Variants in CFAP299 observed in about 807,000 individuals in gnomAD.
CFAP299 encodes the protein cilia- and flagella-associated protein 299.
A neutral mutation model predicts 27.0 loss-of-function variants in CFAP299; 21 were observed. The observed-to-expected ratio is 0.78, with a 90% CI of 0.55 to 1.12. The LOEUF (loss-of-function observed/expected upper bound fraction) is 1.12, where lower values mean the gene tolerates loss of function less well. Among genes scored for constraint, CFAP299 ranks in the 50% most tolerant of loss-of-function variants. The pLI is 0.00. For missense variants in CFAP299, 310 were observed against 276.6 expected (o/e 1.12, Z -0.86); for synonymous variants, 104 against 98.1 (o/e 1.06, Z -0.36).
intron 2 of CFAP299, among the ~76,000 whole-genome samples, chr4:80,491,915 A>G (rs907803487): frequency 2.6e-5 from 4 of 152,238 alleles, no homozygotes; most frequent in Non-Finnish European, 2.9e-5. Flanking sequence ...AGACCCTTCC[A>G]ATCCTAAAGA....
At chr4:80,874,796 T>C (rs1203958142) in intron 4 of CFAP299, among the ~76,000 whole-genome samples, 1 of 152,158 alleles carries the variant, frequency 6.6e-6, no homozygotes, top group African/African-American at 2.4e-5. Context: ...CCTAGACTGG[T>C]GCTCTCTAGT....
intron 3 of CFAP299, among the ~76,000 whole-genome samples, chr4:80,651,704 TTGTGTGTG>T (rs34460418): frequency 1.0e-4 from 14 of 139,648 alleles, no homozygotes; most frequent in African/African-American, 2.4e-4. Flanking sequence ...AGGTATGCAC[TTGTGTGTG>T]TGTGTGTGTG....
chr4:80,351,456 T>A (rs1432614737), intron 1 of CFAP299, among the ~76,000 whole-genome samples: 2 of 151,916 alleles, frequency 1.3e-5, no homozygotes. Context: ...AATCACAGAG[T>A]ACCTGCTGAA....
chr4:80,473,507 T>C (rs1730113708), intron 2 of CFAP299, among the ~76,000 whole-genome samples: 1 of 152,048 alleles, frequency 6.6e-6, no homozygotes, highest in Non-Finnish European at 1.5e-5. Flanking sequence ...ATGAAGTATG[T>C]CTTTTATTTA....
chr4:80,788,288 C>A (rs562467709), intron 3 of CFAP299, among the ~76,000 whole-genome samples: 2 of 151,916 alleles, frequency 1.3e-5, no homozygotes, highest in Non-Finnish European at 2.9e-5. Flanking sequence ...TCTGCGTAAG[C>A]CATCAATGCT....
chr4:80,570,449 A>G (rs1578613946), intron 2 of CFAP299, among the ~76,000 whole-genome samples: 1 of 152,116 alleles, frequency 6.6e-6, no homozygotes, highest in East Asian at 1.9e-4. Context: ...ACAATAATAA[A>G]GTGGACAAAA....
At chr4:80,414,985 T>TA (rs1560556700) in intron 2 of CFAP299, among the ~76,000 whole-genome samples, 1 of 152,200 alleles carries the variant, frequency 6.6e-6, no homozygotes, top group East Asian at 1.9e-4. Context: ...GCTTGAAACA[T>TA]AGAGGCGCTG....
At chr4:80,816,444 A>G (rs1459800175) in intron 3 of CFAP299, among the ~76,000 whole-genome samples, 1 of 152,156 alleles carries the variant, frequency 6.6e-6, no homozygotes, top group Non-Finnish European at 1.5e-5. Flanking sequence ...TTTTCTCCTG[A>G]TGTCAAACAA....
chr4:80,571,044 T>C (rs183476587), intron 2 of CFAP299, among the ~76,000 whole-genome samples: 8 of 152,008 alleles, frequency 5.3e-5, no homozygotes, highest in Non-Finnish European at 1.0e-4. Context: ...ACTTAAGTGA[T>C]GTAAAGAGGT....
At chr4:80,470,239 A>T (rs960434869) in intron 2 of CFAP299, among the ~76,000 whole-genome samples, 3 of 152,180 alleles carry the variant, frequency 2.0e-5, no homozygotes, top group African/African-American at 7.2e-5. Flanking sequence ...ATGTATGTAA[A>T]AATGCTTGGT....
At chr4:80,645,528 T>A (rs1739963687) in intron 3 of CFAP299, among the ~76,000 whole-genome samples, 1 of 152,090 alleles carries the variant, frequency 6.6e-6, no homozygotes, top group South Asian at 2.1e-4. Context: ...TGTCAAGTTA[T>A]CCACACACAC....
intron 5 of CFAP299, among the ~76,000 whole-genome samples, chr4:80,952,792 C>A (rs776444938): frequency 6.6e-6 from 1 of 152,042 alleles, no homozygotes; most frequent in Non-Finnish European, 1.5e-5. Context: ...GCAACCCCCA[C>A]GCAAGCACTT....
rs1725133832 is a variant in CFAP299 at position 80,388,325 on chromosome 4, C to T, written c.242+25441C>T. On this transcript the variant is annotated intron_variant, in intron 2 of 5. Coordinates refer to ENST00000358105, the MANE Select transcript of CFAP299 (RefSeq NM_152770.3). ...CAAGTCATTGCTTACCAAGATGTTC[C>T]CCTGGATCAGTGGGGACAGGGGCAC... 4 of 685,464 alleles carry T rather than the reference C, an allele frequency of 5.8e-6. No individual in the cohort carries two copies. The South Asian group carries it at 6.5e-5, about 11-fold the overall frequency. The allele number at this position is 685,464 out of a possible 1,614,324, so 42.5% of individuals were successfully genotyped here. A position where few individuals can be genotyped will look rare whatever the true frequency, so the allele number is the denominator to read the frequency against.
intron 3 of CFAP299, among the ~76,000 whole-genome samples, chr4:80,808,513 T>G (rs1202041560): frequency 6.6e-6 from 1 of 152,130 alleles, no homozygotes; most frequent in Non-Finnish European, 1.5e-5. Context: ...TAAAATACAT[T>G]CTTAATTCTG....
chr4:80,615,084 T>A (rs1025284426), intron 3 of CFAP299, among the ~76,000 whole-genome samples: 1 of 152,220 alleles, frequency 6.6e-6, no homozygotes, highest in African/African-American at 2.4e-5. Context: ...GTATTTTATT[T>A]GAAAATTTCT....
rs1577999454 is a variant in CFAP299, at chr4:80,671,125, C to A, written c.333+87942C>A. On this transcript the variant is annotated intron_variant, in intron 3 of 5. Coordinates refer to ENST00000358105, the MANE Select transcript of CFAP299 (RefSeq NM_152770.3). ...TTCTAGGGTTTTTATGGCTTTAGGT[C>A]TCACCTTTAAGTATTTAATCCATCT... 3.3e-5 allele frequency among the ~76,000 whole-genome samples: 5 copies of A among 152,266 alleles called. No individual in the cohort carries two copies. The South Asian group carries it at 8.3e-4, about 25-fold the overall frequency.
intron 3 of CFAP299, among the ~76,000 whole-genome samples, chr4:80,631,959 G>T (rs1371965353): frequency 6.9e-6 from 1 of 145,660 alleles, no homozygotes; most frequent in Non-Finnish European, 1.5e-5. Context: ...GGTCATTCAT[G>T]AGGCAGATCC....
chr4:80,699,191 G>GGT (rs1721305384), intron 3 of CFAP299, among the ~76,000 whole-genome samples: 1 of 152,042 alleles, frequency 6.6e-6, no homozygotes, highest in Admixed American at 6.6e-5. Flanking sequence ...TGGCAACCTA[G>GGT]GTATGTCTGA....
intron 2 of CFAP299, chr4:80,387,854 G>T: frequency 7.6e-7 from 1 of 1,311,328 alleles, no homozygotes. Context: ...CCTTTAGCCC[G>T]TGGGGTCTTC....
Sources: gnomAD v4.1 joint callset for allele counts (sites outside exome capture counted in the v4.1 genomes callset) on GRCh38, gnomAD v4.1.1 for gene constraint, MANE v1.5 for transcripts, NCBI Gene and HGNC (gene_info 2026-07-23, HGNC 2026-07-21) for gene names.